Variants in ADNP observed in about 807,000 individuals in gnomAD.
The protein encoded by ADNP is activity dependent neuroprotector homeobox, also known as activity-dependent neuroprotector homeobox protein.
ADNP carries 4 observed loss-of-function variants against 84.9 expected under a neutral mutation model. The ratio of observed to expected loss-of-function variants is 0.05; its 90% CI spans 0.02 to 0.11. The LOEUF is 0.11. Among genes scored for constraint, ADNP ranks in the 10% least tolerant of loss-of-function variants. The pLI is 1.00. For missense variants in ADNP, 1,132 were observed against 1,326.0 expected (o/e 0.85, Z 2.27); for synonymous variants, 554 against 468.1 (o/e 1.18, Z -2.37).
At chr20:50,897,489 G>A (rs1461828183) in intron 5 of ADNP, among the ~76,000 whole-genome samples, 1 of 152,136 alleles carries the variant, frequency 6.6e-6, no homozygotes, top group African/African-American at 2.4e-5. Context: ...CAGACTTTGT[G>A]ATTTATGCAA....
chr20:50,918,336 T>C (rs1983670679), intron 2 of ADNP, among the ~76,000 whole-genome samples: 1 of 152,194 alleles, frequency 6.6e-6, no homozygotes, highest in Non-Finnish European at 1.5e-5. Flanking sequence ...TTGTTAATAT[T>C]ACCCAGAAAA....
chr20:50,928,125 C>T (rs1984408477), intron 2 of ADNP, among the ~76,000 whole-genome samples: 2 of 152,180 alleles, frequency 1.3e-5, no homozygotes, highest in Admixed American at 1.3e-4. Context: ...TACCTGGTAG[C>T]AATTCTCCAA....
chr20:50,893,537 A>G lies in ADNP; in HGVS notation c.1177T>C (p.Ser393Pro), dbSNP rs1231152001. 1.2e-6 allele frequency: 2 copies of G among 1,613,954 alleles called. No individual in the cohort carries two copies. The highest frequency in any genetic ancestry group is 1.7e-5 in the Admixed American group (1 of 60,008). Reference protein sequence around the residue: ...EQRSQAPARYSLQSANASSLS... With the variant: ...EQRSQAPARYPLQSANASSLS... The stretch of plus-strand genomic sequence containing the variant: ...GAAGAGGCATTAGCAGACTGCAGGG[A>G]GTATCTTGCTGGTGCCTGGGACCTC... Residue 393 changes from serine (S) to proline (P), a missense_variant, in exon 6 of 6, where the codon TCC (serine) becomes CCC (proline). Coordinates refer to ENST00000621696, the MANE Select transcript of ADNP (RefSeq NM_001282531.3). The surrounding 1 kb of genome is among the most constrained non-coding windows in gnomAD (Gnocchi z 4.4).
chr20:50,904,387 T>C (rs747510221), intron 3 of ADNP: 1 of 169,360 alleles, frequency 5.9e-6, no homozygotes, highest in Non-Finnish European at 1.3e-5. Flanking sequence ...AACTAATTTT[T>C]AAAATTTTTT....
At position 50,890,812 on chromosome 20, in the gene ADNP, G is replaced by T; in HGVS notation, c.*593C>A. 1 of 686,040 alleles carries T rather than the reference G, an allele frequency of 1.5e-6. No individual in the cohort carries two copies. The highest frequency in any genetic ancestry group is 1.8e-6 in the Non-Finnish European group (1 of 556,500). The allele number at this position is 686,040 out of a possible 1,614,324, so 42.5% of individuals were successfully genotyped here. On this transcript the variant is annotated 3_prime_UTR_variant, in exon 6 of 6. Coordinates refer to ENST00000621696, the MANE Select transcript of ADNP (RefSeq NM_001282531.3). Reference sequence around the variant, plus strand: ...TGTCCAAAAAGTCCATACTAGCGCAGTTTTGAGCTTTTGCTAGGTAAACTA... The same window carrying T: ...TGTCCAAAAAGTCCATACTAGCGCATTTTTGAGCTTTTGCTAGGTAAACTA...
Position 50,891,665 on chromosome 20 carries a change from CCTT to C in ADNP, c.3046_3048del (p.Lys1016del), listed in dbSNP as rs773877856. On this transcript the variant is annotated inframe_deletion, in exon 6 of 6. Transcript: ENST00000621696. ...TGCTCTCTGTCACCTTGCATGGTAG[CCTT>C]TTTTTTGGCAGCTGGCTTACTGCTC... The C allele has an allele frequency of 5.0e-6, 8 of 1,614,246 alleles. No homozygotes were observed. The East Asian group carries it at 6.7e-5, about 13-fold the overall frequency.
chr20:50,919,307 A>ATATATATATATATATATG, intron 2 of ADNP, among the ~76,000 whole-genome samples: 1 of 137,436 alleles, frequency 7.3e-6, no homozygotes, highest in African/African-American at 3.0e-5. Context: ...ATATATATAT[A>ATATATATATATATATATG]TATATATATG....
rs772491419 is a variant in ADNP, at chr20:50,892,579, A to C, written c.2135T>G (p.Leu712Arg). The change falls in exon 6 of 6, where the codon CTG becomes CGG. Residue 712 changes from leucine to arginine, a missense_variant. Coordinates refer to ENST00000621696, the MANE Select transcript of ADNP (RefSeq NM_001282531.3). ...APSRLNQSPS[L>R]APVKRTYEQM... ...CTCGTAAGTGCGCTTCACAGGTGCC[A>C]GACTTGGAGACTGATTAAGCCGAGA... 6.2e-7 allele frequency: 1 copy of C among 1,614,246 alleles called. No individual in the cohort carries two copies. The highest frequency in any genetic ancestry group is 1.1e-5 in the South Asian group (1 of 91,090).
chr20:50,907,769 G>GTT lies in ADNP; in HGVS notation c.-89-2922_-89-2921dup, dbSNP rs35227972. ...GGCTATATTTTGTGTGTGTGTGTGT[G>GTT]TTTTTTTTTGTAGAGATGGGGTGTT... On this transcript the variant is annotated intron_variant, in intron 2 of 5. Transcript: ENST00000621696. Among the ~76,000 whole-genome samples, 6 of 116,468 alleles carry GTT rather than the reference G, an allele frequency of 5.2e-5. No individual in the cohort carries two copies. In the East Asian group the frequency reaches 1.2e-3, roughly 23 times the overall value. 76.4% of individuals were successfully genotyped at this position (116,468 alleles called of 152,430 possible).
rs774310435 is a variant in ADNP, at chr20:50,892,925, C to T, written c.1789G>A (p.Val597Ile). 5.0e-6 allele frequency: 8 copies of T among 1,614,092 alleles called. No individual in the cohort carries two copies. Among genetic ancestry groups the T allele is most frequent in the Non-Finnish European group, 6.8e-6 (8 of 1,180,050 alleles). The change falls in exon 6 of 6, where the codon GTT (valine) becomes ATT (isoleucine). Residue 597 changes from valine to isoleucine, a missense_variant. Around this residue, in one of 10 missense-constraint regions of ADNP, gnomAD observed 53 missense variants for 39.8 expected, o/e 1.33. Transcript: ENST00000621696. ...ACAGGGATATCTGCCTTTTCCTGAA[C>T]CTTTGGCTGTGGCTTTGGAGGAACT... ...PPVPPKPQPK[V>I]QEKADIPVKS...
rs1222729146 is a variant in ADNP at position 50,904,769 on chromosome 20, T to TTC, written c.-11_-10dup. The TTC allele has an allele frequency of 6.6e-6, 1 of 152,204 alleles. No individual in the cohort carries two copies. The highest frequency in any genetic ancestry group is 1.5e-5 in the Non-Finnish European group (1 of 68,028). 9.4% of individuals were successfully genotyped at this position (152,204 alleles called of 1,614,324 possible). On this transcript the variant is annotated 5_prime_UTR_variant, in exon 3 of 6. It introduces an in-frame stop codon into an upstream open reading frame of the 5' UTR. Transcript: ENST00000621696. ...CTGAAAACAGAAAAATGCTTACCAG[T>TTC]TCATCATCATTACAGTTTTGAGTGC... is the stretch of plus-strand genomic sequence containing the variant.
At chr20:50,904,242 GGAGTGCAGTGCACTCATGGTTCATT>G in intron 3 of ADNP, 1 of 472,404 alleles carries the variant, frequency 2.1e-6, no homozygotes, top group Non-Finnish European at 3.9e-6. Flanking sequence ...CGCGCAGGCT[GGAGTGCAGTGCACTCATGGTTCATT>G]GACTGCAGTG....
At chr20:50,912,483 C>G (rs914466346) in intron 2 of ADNP, among the ~76,000 whole-genome samples, 38 of 151,966 alleles carry the variant, frequency 2.5e-4, no homozygotes, top group Admixed American at 2.0e-3. Context: ...CTGTGAAACC[C>G]GTTTCCAAAG....
rs573699038 is a variant in ADNP at position 50,893,031 on chromosome 20, G to A, written c.1683C>T (p.Asn561=). 66 of 1,614,218 alleles carry A rather than the reference G, an allele frequency of 4.1e-5. No individual in the cohort carries two copies. Among genetic ancestry groups the A allele is most frequent in the Admixed American group, 2.2e-4 (13 of 60,032 alleles). ...DLTLQQGSHT[N]IHLLVTTYNL... is the part of the protein sequence containing the mutation. The stretch of plus-strand genomic sequence containing the variant: ...TGTATGTAGTTACCAGGAGATGGAT[G>A]TTAGTGTGACTACCCTGCTGCAATG... Residue 561 remains asparagine (N), a synonymous_variant, in exon 6 of 6, where the codon AAC becomes AAT. Transcript: ENST00000621696. The surrounding 1 kb of genome is among the most constrained non-coding windows in gnomAD (Gnocchi z 4.4).
chr20:50,893,949 A>G lies in ADNP; in HGVS notation c.765T>C (p.Ile255=). Residue 255 remains isoleucine (I), a synonymous_variant, in exon 6 of 6, where the codon ATT becomes ATC. Transcript: ENST00000621696. The surrounding 1 kb of genome is among the most constrained non-coding windows in gnomAD (Gnocchi z 4.4). ...GGGGAACCACTACATTTGTGTGCCC[A>G]ATCATGGCAGTGACCTGATAGCCTA... ...ERIGYQVTAM[I]GHTNVVVPRS... is the part of the protein sequence containing the mutation. 6.2e-7 allele frequency: 1 copy of G among 1,614,184 alleles called. No individual in the cohort carries two copies. Among genetic ancestry groups the G allele is most frequent in the Non-Finnish European group, 8.5e-7 (1 of 1,180,002 alleles).
chr20:50,894,497 G>T lies in ADNP; in HGVS notation c.217C>A (p.Pro73Thr). 6.3e-7 allele frequency: 1 copy of T among 1,595,992 alleles called. No individual in the cohort carries two copies. The highest frequency in any genetic ancestry group is 8.5e-7 in the Non-Finnish European group (1 of 1,174,476). The change falls in exon 6 of 6, where the codon CCT becomes ACT. Residue 73 changes from proline (P) to threonine (T), a missense_variant. Transcript: ENST00000621696. ...AATGGACAAGCGCTGCAGCAGAAAG[G>T]TTTTGTCCGATAGTCCTAAAGTAAA... is the stretch of plus-strand genomic sequence containing the variant. ...LTKNQDYRTK[P>T]FCCSACPFSS...
intron 2 of ADNP, among the ~76,000 whole-genome samples, chr20:50,922,828 G>A (rs1268491419): frequency 2.0e-5 from 3 of 151,812 alleles, no homozygotes; most frequent in African/African-American, 7.3e-5. Flanking sequence ...TGATTTGCTC[G>A]CCCCCAGCCT....
chr20:50,913,290 G>GAAAAAAAAAAAAAAAAA (rs1983228565), intron 2 of ADNP, among the ~76,000 whole-genome samples: 1 of 63,612 alleles, frequency 1.6e-5, no homozygotes, highest in Non-Finnish European at 3.7e-5. Context: ...AAAAAAAAAG[G>GAAAAAAAAAAAAAAAAA]TATCTGTATT....
At chr20:50,923,774 T>G (rs1174363495) in intron 2 of ADNP, among the ~76,000 whole-genome samples, 1 of 152,174 alleles carries the variant, frequency 6.6e-6, no homozygotes, top group Non-Finnish European at 1.5e-5. Flanking sequence ...AGCCTTGGCT[T>G]CCCAAAGTGC....
Sources: gnomAD v4.1 joint callset for allele counts (sites outside exome capture counted in the v4.1 genomes callset) on GRCh38, gnomAD v4.1.1 for gene constraint, gnomAD v4.1.1 regional missense constraint, Gnocchi (gnomAD v3.1) non-coding constraint, MANE v1.5 for transcripts, NCBI Gene and HGNC (gene_info 2026-07-23, HGNC 2026-07-21) for gene names.